Variants in PPHLN1 observed in about 807,000 individuals in gnomAD.
PPHLN1 encodes the protein periphilin 1.
Under a neutral mutation model 51.3 loss-of-function variants are expected in PPHLN1, and 29 were observed. That is an observed-to-expected ratio of 0.57 (90% CI 0.42 to 0.77). PPHLN1 has a LOEUF of 0.77. Ranked by LOEUF, PPHLN1 falls within the 30% of genes least tolerant of loss-of-function variation. PPHLN1 has a pLI of 0.00. For synonymous variants in PPHLN1, 147 were observed against 147.8 expected (o/e 0.99, Z 0.04); for missense variants, 436 against 438.4 (o/e 0.99, Z 0.05).
chr12:42,366,108 T>G (rs1361221940), intron 4 of PPHLN1, among the ~76,000 whole-genome samples: 3 of 152,112 alleles, frequency 2.0e-5, no homozygotes, highest in African/African-American at 4.8e-5. Flanking sequence ...TTAGCATGCT[T>G]CAGGGTTATG....
intron 4 of PPHLN1, among the ~76,000 whole-genome samples, chr12:42,364,218 C>G (rs2138526725): frequency 6.6e-6 from 1 of 152,262 alleles, no homozygotes; most frequent in Non-Finnish European, 1.5e-5. Context: ...GAGCAAAACT[C>G]TGTCTCAAAA....
At chr12:42,411,437 C>T (rs1413455644) in intron 9 of PPHLN1, among the ~76,000 whole-genome samples, 12 of 152,104 alleles carry the variant, frequency 7.9e-5, no homozygotes, top group African/African-American at 2.9e-4. Context: ...ACCGTCATTA[C>T]AGCAGTCACT....
At chr12:42,368,295 T>A (rs1380188433) in intron 4 of PPHLN1, among the ~76,000 whole-genome samples, 1 of 152,176 alleles carries the variant, frequency 6.6e-6, no homozygotes, top group Admixed American at 6.5e-5. Flanking sequence ...TCAATTCACC[T>A]GAATTTATCA....
chr12:42,443,710 A>G (rs1039029029), downstream of PPHLN1: 4 of 152,170 alleles, frequency 2.6e-5, no homozygotes, highest in African/African-American at 9.7e-5. Context: ...GCAAATGGAG[A>G]CTTTTGCATG....
intron 2 of PPHLN1, among the ~76,000 whole-genome samples, chr12:42,347,947 T>C (rs550671983): frequency 1.2e-4 from 19 of 152,148 alleles, no homozygotes; most frequent in Non-Finnish European, 2.2e-4. Flanking sequence ...TCTTTTCATA[T>C]AGCTAGGGAG....
At chr12:42,404,043 T>C (rs878942870) in intron 9 of PPHLN1, among the ~76,000 whole-genome samples, 1 of 151,990 alleles carries the variant, frequency 6.6e-6, no homozygotes, top group East Asian at 1.9e-4. Flanking sequence ...TTTTTTTTTT[T>C]TCTTTTTTTT....
chr12:42,430,724 C>T (rs1230702157), intron 9 of PPHLN1, among the ~76,000 whole-genome samples: 1 of 152,122 alleles, frequency 6.6e-6, no homozygotes. Context: ...AAACTCCTGA[C>T]CTCAGGTGAT....
intron 2 of PPHLN1, among the ~76,000 whole-genome samples, chr12:42,347,860 C>T (rs1592270770): frequency 6.6e-6 from 1 of 152,142 alleles, no homozygotes; most frequent in Non-Finnish European, 1.5e-5. Flanking sequence ...GAATGATATA[C>T]CTGGATAAGA....
chr12:42,378,085 TCTTTC>T (rs2076425529), intron 5 of PPHLN1, among the ~76,000 whole-genome samples: 1 of 147,336 alleles, frequency 6.8e-6, no homozygotes, highest in Admixed American at 7.0e-5. Context: ...TATCTATCTA[TCTTTC>T]TCTTTCTTTC....
chr12:42,332,940 A>C (rs563753475), intron 1 of PPHLN1, among the ~76,000 whole-genome samples: 11 of 152,210 alleles, frequency 7.2e-5, no homozygotes, highest in African/African-American at 2.4e-4. Flanking sequence ...GATTTTCAGG[A>C]ACTTTAAAAA....
intron 5 of PPHLN1, among the ~76,000 whole-genome samples, chr12:42,376,730 G>C (rs2076296507): frequency 6.6e-6 from 1 of 152,050 alleles, no homozygotes; most frequent in African/African-American, 2.4e-5. Flanking sequence ...TGAACCTGCA[G>C]TAAACTGTGA....
At chr12:42,398,563 A>G (rs1167725054) in intron 8 of PPHLN1, 1 of 243,814 alleles carries the variant, frequency 4.1e-6, no homozygotes, top group African/African-American at 2.2e-5. Flanking sequence ...CTTCGGCAGC[A>G]CATGCACTAA....
At chr12:42,390,820 T>TTG (rs1198596319) in intron 7 of PPHLN1, among the ~76,000 whole-genome samples, 3 of 81,348 alleles carry the variant, frequency 3.7e-5, no homozygotes, top group Admixed American at 1.4e-4. Flanking sequence ...ACCGTGAAGT[T>TTG]TTTTTTTTTT....
chr12:42,418,635 CT>C (rs1031329077), intron 9 of PPHLN1, among the ~76,000 whole-genome samples: 18 of 149,394 alleles, frequency 1.2e-4, no homozygotes, highest in African/African-American at 4.4e-4. Flanking sequence ...ATGACTTCTA[CT>C]AAGCATTCTC....
At chr12:42,376,521 T>G (rs1233406247) in intron 5 of PPHLN1, among the ~76,000 whole-genome samples, 1 of 152,208 alleles carries the variant, frequency 6.6e-6, no homozygotes, top group Non-Finnish European at 1.5e-5. Flanking sequence ...GCACAGCAGC[T>G]CATGCCTGTA....
At chr12:42,432,167 G>A (rs2082095590) in intron 9 of PPHLN1, 3 of 882,610 alleles carry the variant, frequency 3.4e-6, no homozygotes, top group East Asian at 4.8e-5. Context: ...CTTCTTCAAT[G>A]ACCAATCACT....
chr12:42,445,942 A>C, downstream of PPHLN1: 1 of 1,457,606 alleles, frequency 6.9e-7, no homozygotes, highest in Non-Finnish European at 9.1e-7. Context: ...AACATGGGGA[A>C]GAGGATATGC....
chr12:42,356,913 T>C (rs994924070), intron 4 of PPHLN1, among the ~76,000 whole-genome samples: 6 of 152,160 alleles, frequency 3.9e-5, no homozygotes, highest in African/African-American at 1.4e-4. Context: ...GATAATATAA[T>C]TATGCAGAAA....
intron 7 of PPHLN1, among the ~76,000 whole-genome samples, chr12:42,390,590 A>T (rs969694658): frequency 6.6e-6 from 1 of 152,042 alleles, no homozygotes; most frequent in Non-Finnish European, 1.5e-5. Flanking sequence ...CTTGATCTAC[A>T]TGCAACTGTG....
Sources: allele counts gnomAD v4.1 joint callset (sites outside exome capture counted in the v4.1 genomes callset), GRCh38; gene constraint gnomAD v4.1.1; transcripts MANE v1.5; gene names NCBI Gene and HGNC (gene_info 2026-07-23, HGNC 2026-07-21).